FMNL3: variants seen among roughly 807,000 people sequenced by gnomAD.
The protein encoded by FMNL3 is formin-like protein 3.
A neutral mutation model predicts 119.6 loss-of-function variants in FMNL3; 57 were observed. The observed-to-expected ratio is 0.48, with a 90% CI of 0.39 to 0.59. The LOEUF (loss-of-function observed/expected upper bound fraction) is 0.59. Among genes scored for constraint, FMNL3 ranks in the 20% least tolerant of loss-of-function variants. The probability of loss-of-function intolerance (pLI) is 0.00; values close to 1 mark genes in which losing one functional copy is unlikely to be tolerated. For synonymous variants in FMNL3, 491 were observed against 507.3 expected (o/e 0.97, Z 0.43); for missense variants, 1,053 against 1,323.5 (o/e 0.80, Z 3.17).
intron 1 of FMNL3, among the ~76,000 whole-genome samples, chr12:49,672,398 G>A (rs1175390664): frequency 6.6e-6 from 1 of 152,154 alleles, no homozygotes; most frequent in Admixed American, 6.5e-5. Context: ...AACTCAAACT[G>A]AAAGCAACTC....
rs1439003244 is a variant in FMNL3 at position 49,645,910 on chromosome 12, G to A, written c.2996-7C>T. The stretch of plus-strand genomic sequence containing the variant: ...ATAGGCTGGCAGTGGAGGCCTGTGG[G>A]GGAAGAGAGAGACCTGTGAACAGGA... On this transcript the variant is annotated splice_polypyrimidine_tract_variant and splice_region_variant and intron_variant, in intron 25 of 25. Coordinates refer to ENST00000335154, the MANE Select transcript of FMNL3 (RefSeq NM_175736.5). The A allele has an allele frequency of 6.2e-7, 1 of 1,611,080 alleles. No individual in the cohort carries two copies. Among genetic ancestry groups the A allele is most frequent in the Admixed American group, 1.7e-5 (1 of 59,676 alleles).
intron 1 of FMNL3, among the ~76,000 whole-genome samples, chr12:49,694,292 A>G (rs1231615854): frequency 2.0e-5 from 3 of 152,226 alleles, no homozygotes; most frequent in African/African-American, 4.8e-5. Context: ...AAAATTAAAA[A>G]TAACTCCCAG....
rs753882779 is a variant in FMNL3 at position 49,657,180 on chromosome 12, G to A, written c.616C>T (p.Leu206Phe). The change falls in exon 7 of 26, where the codon CTC (leucine) becomes TTC (phenylalanine). Residue 206 changes from leucine to phenylalanine, a missense_variant. Physicochemically the swap from Leu to Phe is conservative, Grantham distance 22. Transcript: ENST00000335154. The part of the protein sequence containing the change: ...ARQSVLRYST[L>F]PGRRALKNSR... ...TTCTTCAGGGCCCTGCGCCCAGGGA[G>A]AGTGCTATACCTGGGGAGATGGGCC... 11 of 1,613,586 alleles carry A rather than the reference G, an allele frequency of 6.8e-6. No homozygotes were observed. The South Asian group carries it at 9.9e-5, about 14-fold the overall frequency.
At position 49,647,039 on chromosome 12, in the gene FMNL3, G is replaced by A. The variant is rs1943223079; in HGVS notation, c.2872-30C>T. On this transcript the variant is annotated intron_variant, in intron 24 of 25. Coordinates refer to ENST00000335154, the MANE Select transcript of FMNL3 (RefSeq NM_175736.5). The surrounding 1 kb of genome is among the most constrained non-coding windows in gnomAD (Gnocchi z 4.9). ...GGCCAAGAATGTGGAGGGGAAGGAA[G>A]TCATCACTAACCTAATGTGGGACTG... 1 of 1,613,594 alleles carries A rather than the reference G, an allele frequency of 6.2e-7. No individual in the cohort carries two copies. Among genetic ancestry groups the A allele is most frequent in the East Asian group, 2.2e-5 (1 of 44,874 alleles).
intron 2 of FMNL3, 37 bp from the exon 3 acceptor site, chr12:49,666,244 C>T: frequency 1.3e-6 from 2 of 1,576,918 alleles, no homozygotes; most frequent in Non-Finnish European, 8.7e-7. Flanking sequence ...TCCACAAAGA[C>T]AACCAGAGAC....
chr12:49,700,391 CAAA>C (rs11456820), intron 1 of FMNL3, among the ~76,000 whole-genome samples: 2 of 56,430 alleles, frequency 3.5e-5, no homozygotes, highest in Non-Finnish European at 3.7e-5. Flanking sequence ...GAATCCGTCT[CAAA>C]AAAAAAAAAA....
intron 12 of FMNL3, among the ~76,000 whole-genome samples, 191 bp downstream of exon 12, chr12:49,653,534 C>A (rs1248055467): frequency 6.6e-6 from 1 of 152,222 alleles, no homozygotes; most frequent in Non-Finnish European, 1.5e-5. Flanking sequence ...TCATGCCCAG[C>A]CCTGGAGGTC....
At chr12:49,664,261 G>A (rs928882746) in intron 4 of FMNL3, among the ~76,000 whole-genome samples, 4 of 152,062 alleles carry the variant, frequency 2.6e-5, no homozygotes, top group Admixed American at 2.0e-4. Flanking sequence ...AAATAAAATG[G>A]CCAGGCATGG....
At position 49,658,384 on chromosome 12, in the gene FMNL3, G is replaced by A. The variant is rs573449251; in HGVS notation, c.605+58C>T. Reference sequence around the variant, plus strand: ...AGCATGAGCACTCACTGCTGAACCCGAGACCTGCACTGAAGGGTAGGGTGG... The same window carrying A: ...AGCATGAGCACTCACTGCTGAACCCAAGACCTGCACTGAAGGGTAGGGTGG... On this transcript the variant is annotated intron_variant, in intron 6 of 25. Transcript: ENST00000335154. The A allele has an allele frequency of 4.4e-5, 67 of 1,527,856 alleles. No individual in the cohort carries two copies. The South Asian group carries it at 6.0e-4, about 14-fold the overall frequency. The allele number at this position is 1,527,856 out of a possible 1,614,324, so 94.6% of individuals were successfully genotyped here.
In FMNL3 at chr12:49,647,075, C is replaced by T. The variant is rs1158620172; in HGVS notation, c.2872-66G>A. 5 of 1,607,468 alleles carry T rather than the reference C, an allele frequency of 3.1e-6. No individual in the cohort carries two copies. Among genetic ancestry groups the T allele is most frequent in the Admixed American group, 3.3e-5 (2 of 59,722 alleles). ...CCTAATGTGGGACTGGTTCCTGCCC[C>T]AAGGTGCAGTCTGAGGATGCCACTG... On this transcript the variant is annotated intron_variant, in intron 24 of 25. Transcript: ENST00000335154. The surrounding 1 kb of genome is among the most constrained non-coding windows in gnomAD (Gnocchi z 4.9).
rs777227612 is a variant in FMNL3, at chr12:49,643,332, C to T, written c.*2483G>A. The T allele has an allele frequency of 1.9e-5, 31 of 1,607,084 alleles. No individual in the cohort carries two copies. Among genetic ancestry groups the T allele is most frequent in the South Asian group, 1.1e-5 (1 of 90,098 alleles). ...TCTGAGCCCTCTTCCTCACTTGATTCAGTTGAAAGTGGGGGTGCTGCCCTT... is the reference window on the plus strand; with the variant it reads ...TCTGAGCCCTCTTCCTCACTTGATTTAGTTGAAAGTGGGGGTGCTGCCCTT... On this transcript the variant is annotated 3_prime_UTR_variant, in exon 26 of 26. Transcript: ENST00000335154.
intron 9 of FMNL3, 61 bp from the exon 10 acceptor site, chr12:49,655,045 C>T (rs922886218): frequency 4.0e-6 from 6 of 1,497,582 alleles, no homozygotes; most frequent in Admixed American, 1.7e-5. Context: ...AGCCCCTGCG[C>T]TCTGGCTCCT....
chr12:49,647,553 C>T lies in FMNL3; in HGVS notation c.2778+150G>A. On this transcript the variant is annotated intron_variant, in intron 23 of 25. Transcript: ENST00000335154. This position sits in a 1 kb window ranked among gnomAD's most constrained non-coding sequence, Gnocchi z 4.9. ...CTGGGCCCCACCCTGCCCACCAGTT[C>T]ACAGCTAAGAGGCCTGTCACCAGCT... 1.1e-6 allele frequency: 1 copy of T among 899,994 alleles called. No homozygotes were observed. The highest frequency in any genetic ancestry group is 2.5e-5 in the East Asian group (1 of 39,346). The allele number at this position is 899,994 out of a possible 1,614,324, so 55.8% of individuals were successfully genotyped here. A position where few individuals can be genotyped will look rare whatever the true frequency, so the allele number is the denominator to read the frequency against.
chr12:49,637,810 A>C lies in FMNL3; in HGVS notation c.*8005T>G, dbSNP rs1365635223. On this transcript the variant is annotated 3_prime_UTR_variant, in exon 26 of 26. Transcript: ENST00000335154. ...ATTCCATGATGAAAAGAAGATCATT[A>C]AGGACATCCTTAAGGTGAGGGAGGC... 2 of 1,608,914 alleles carry C rather than the reference A, an allele frequency of 1.2e-6. No homozygotes were observed. The highest frequency in any genetic ancestry group is 3.3e-5 in the Admixed American group (2 of 59,952).
At chr12:49,682,996 C>T (rs969650035) in intron 1 of FMNL3, among the ~76,000 whole-genome samples, 2 of 152,120 alleles carry the variant, frequency 1.3e-5, no homozygotes, top group African/African-American at 4.8e-5. Flanking sequence ...TCTAGTGTTC[C>T]CGCCTCATCT....
intron 10 of FMNL3, 104 bp downstream of exon 10, chr12:49,654,806 C>T: frequency 9.3e-7 from 1 of 1,076,852 alleles, no homozygotes; most frequent in Non-Finnish European, 1.4e-6. Flanking sequence ...TCATTCTGGG[C>T]TCTACGTGGA....
intron 5 of FMNL3, 116 bp from the exon 6 acceptor site, chr12:49,658,710 C>T (rs1943649277): frequency 8.0e-7 from 1 of 1,247,332 alleles, no homozygotes; most frequent in Admixed American, 3.0e-5. Flanking sequence ...CAACAAGCAG[C>T]AGGGGTAGCA....
chr12:49,642,010 C>A lies in FMNL3; in HGVS notation c.*3805G>T. The A allele has an allele frequency of 6.2e-7, 1 of 1,613,006 alleles. No homozygotes were observed. The highest frequency in any genetic ancestry group is 8.5e-7 in the Non-Finnish European group (1 of 1,180,026). ...CGCACTGGACGCAGGCAACATCAAG[C>A]TGACCTTCAATAGTGTGAGGGGCTG... On this transcript the variant is annotated 3_prime_UTR_variant, in exon 26 of 26. Coordinates refer to ENST00000335154, the MANE Select transcript of FMNL3 (RefSeq NM_175736.5). This position sits in a 1 kb window ranked among gnomAD's most constrained non-coding sequence, Gnocchi z 5.8.
At chr12:49,664,107 G>A (rs567587310) in intron 4 of FMNL3, among the ~76,000 whole-genome samples, 1 of 152,328 alleles carries the variant, frequency 6.6e-6, no homozygotes, top group East Asian at 1.9e-4. Flanking sequence ...AATTAGCTGG[G>A]CGTGGTGGTA....
Sources: allele counts gnomAD v4.1 joint callset (sites outside exome capture counted in the v4.1 genomes callset), GRCh38; gene constraint gnomAD v4.1.1; non-coding constraint Gnocchi (gnomAD v3.1); transcripts MANE v1.5; gene names NCBI Gene and HGNC (gene_info 2026-07-23, HGNC 2026-07-21).